Variants in CNTN5 observed in about 807,000 individuals in gnomAD.
CNTN5 encodes the protein contactin-5.
In CNTN5, 77 loss-of-function variants were observed where a neutral mutation model predicts 129.1. The observed-to-expected ratio is 0.60, with a 90% confidence interval of 0.50 to 0.72. The LOEUF (loss-of-function observed/expected upper bound fraction) is 0.72. Ranked by LOEUF, CNTN5 falls within the 30% of genes least tolerant of loss-of-function variation. CNTN5 has a pLI of 0.00. For missense variants in CNTN5, 1,478 were observed against 1,328.8 expected, an observed-to-expected ratio of 1.11 and a Z score of -1.75; for synonymous variants, 509 against 465.6, an observed-to-expected ratio of 1.09 and a Z score of -1.20.
intron 3 of CNTN5, among the ~76,000 whole-genome samples, chr11:99,732,866 A>G (rs1943580087): frequency 6.6e-6 from 1 of 152,210 alleles, no homozygotes; most frequent in Non-Finnish European, 1.5e-5. Context: ...ACCCATTGTG[A>G]TGAAGCATTT....
intron 6 of CNTN5, among the ~76,000 whole-genome samples, chr11:99,906,400 A>G (rs570280538): frequency 3.3e-5 from 5 of 152,226 alleles, no homozygotes; most frequent in African/African-American, 9.6e-5. Context: ...TGAGGTAATC[A>G]TGTGGTTTTT....
chr11:100,244,602 G>A (rs17094684), intron 16 of CNTN5, among the ~76,000 whole-genome samples: 8,485 of 152,166 alleles, frequency 0.056, 797 homozygotes, highest in African/African-American at 0.19. Context: ...ATTCAGTCAT[G>A]ATTTGTGAAA....
intron 1 of CNTN5, among the ~76,000 whole-genome samples, chr11:99,312,623 TTATG>T (rs1292604314): frequency 6.6e-6 from 1 of 152,130 alleles, no homozygotes; most frequent in Non-Finnish European, 1.5e-5. Flanking sequence ...TATTGACAAA[TTATG>T]TAGCCTTTCT....
At chr11:99,613,253 C>G (rs995182750) in intron 3 of CNTN5, among the ~76,000 whole-genome samples, 11 of 152,132 alleles carry the variant, frequency 7.2e-5, no homozygotes, top group African/African-American at 1.7e-4. Context: ...CGGTTTTCCC[C>G]GTGCTGTTCT....
intron 3 of CNTN5, among the ~76,000 whole-genome samples, chr11:99,705,040 G>A (rs182689718): frequency 0.011 from 1,606 of 151,344 alleles, 15 homozygotes; most frequent in Non-Finnish European, 0.015. Context: ...TTTGGAAAAA[G>A]CTAATAAGTC....
chr11:100,103,212 G>C (rs564578720), intron 13 of CNTN5, among the ~76,000 whole-genome samples: 2 of 152,274 alleles, frequency 1.3e-5, no homozygotes, highest in Middle Eastern at 6.8e-3. Flanking sequence ...ATTAGCACGG[G>C]CACATTCTGA....
chr11:99,911,612 T>C (rs1949661166), intron 6 of CNTN5, among the ~76,000 whole-genome samples: 1 of 151,940 alleles, frequency 6.6e-6, no homozygotes, highest in African/African-American at 2.4e-5. Flanking sequence ...TAGTTTCAGG[T>C]ACTCTATTTC....
In CNTN5 at chr11:100,204,295, C is replaced by CT. The variant is rs1565340384; in HGVS notation, c.1884+10633dup. Among the ~76,000 whole-genome samples, 61 of 27,696 alleles carry CT rather than the reference C, an allele frequency of 2.2e-3. 1 individual carries two copies. Among genetic ancestry groups the CT allele is most frequent in the African/African-American group, 4.6e-3 (49 of 10,620 alleles). 18.2% of individuals were successfully genotyped at this position (27,696 alleles called of 152,430 possible). On this transcript the variant is annotated intron_variant, in intron 15 of 24. Transcript: ENST00000524871. ...TAGCTCACCAAGAAACAAACATTGA[C>CT]TAATATATATATATATATATATATA...
intron 9 of CNTN5, among the ~76,000 whole-genome samples, chr11:100,055,284 CT>C (rs561310956): frequency 6.6e-6 from 1 of 151,462 alleles, no homozygotes; most frequent in South Asian, 2.1e-4. Context: ...CTTATGACTT[CT>C]TTTTTTTCAT....
chr11:99,905,041 G>A (rs952160165), intron 6 of CNTN5, among the ~76,000 whole-genome samples: 22 of 151,984 alleles, frequency 1.4e-4, no homozygotes, highest in Admixed American at 2.0e-4. Context: ...TCTTGATGTT[G>A]GCCCTTTATC....
At chr11:100,277,685 C>T (rs1397046311) in intron 18 of CNTN5, among the ~76,000 whole-genome samples, 1 of 151,714 alleles carries the variant, frequency 6.6e-6, no homozygotes, top group Non-Finnish European at 1.5e-5. Flanking sequence ...TTTTTTCCTA[C>T]ATAATTGACT....
At chr11:100,141,412 T>C (rs576119610) in intron 13 of CNTN5, among the ~76,000 whole-genome samples, 87 of 152,278 alleles carry the variant, frequency 5.7e-4, no homozygotes, top group African/African-American at 2.0e-3. Flanking sequence ...TAACTTCTGC[T>C]TTGTGGCTAG....
chr11:99,309,562 AG>A (rs1182654470), intron 1 of CNTN5, among the ~76,000 whole-genome samples: 6 of 152,188 alleles, frequency 3.9e-5, no homozygotes, highest in Non-Finnish European at 7.3e-5. Flanking sequence ...AAATTGTCCA[AG>A]GATCTAAGAA....
intron 17 of CNTN5, among the ~76,000 whole-genome samples, chr11:100,266,403 A>G (rs927375666): frequency 2.2e-4 from 34 of 152,268 alleles, no homozygotes; most frequent in African/African-American, 7.0e-4. Flanking sequence ...TAACTTTATA[A>G]AAAGATGCTG....
intron 8 of CNTN5, among the ~76,000 whole-genome samples, chr11:99,974,011 A>T (rs1200353655): frequency 2.0e-5 from 3 of 152,188 alleles, no homozygotes; most frequent in Non-Finnish European, 4.4e-5. Flanking sequence ...ATATTTTAAA[A>T]CTCAGTGATT....
intron 1 of CNTN5, among the ~76,000 whole-genome samples, chr11:99,180,429 G>C (rs1857991692): frequency 6.6e-6 from 1 of 152,154 alleles, no homozygotes; most frequent in African/African-American, 2.4e-5. Context: ...TTTGTAATGA[G>C]TTGTTTCGCA....
intron 3 of CNTN5, among the ~76,000 whole-genome samples, chr11:99,561,099 T>C (rs1033752575): frequency 3.9e-5 from 6 of 152,184 alleles, no homozygotes; most frequent in Non-Finnish European, 8.8e-5. Context: ...AGAAGCCTAA[T>C]TCTAGGACTG....
chr11:100,093,399 T>G (rs1944870535), intron 13 of CNTN5, among the ~76,000 whole-genome samples: 2 of 152,118 alleles, frequency 1.3e-5, no homozygotes, highest in African/African-American at 4.8e-5. Flanking sequence ...TAGTGGGGAC[T>G]ACAGGTGTGT....
intron 9 of CNTN5, among the ~76,000 whole-genome samples, chr11:100,022,326 C>T (rs1941204323): frequency 6.6e-6 from 1 of 152,170 alleles, no homozygotes; most frequent in South Asian, 2.1e-4. Flanking sequence ...ACAGTATCTT[C>T]CTCTTAAAGT....
Sources: gnomAD v4.1 joint callset for allele counts (sites outside exome capture counted in the v4.1 genomes callset) on GRCh38, gnomAD v4.1.1 for gene constraint, MANE v1.5 for transcripts, NCBI Gene and HGNC (gene_info 2026-07-23, HGNC 2026-07-21) for gene names.